Variants in MMP10 observed in about 807,000 individuals in gnomAD.
MMP10 encodes the protein matrix metallopeptidase 10.
A neutral mutation model predicts 49.1 loss-of-function variants in MMP10; 50 were observed. That is an observed-to-expected ratio of 1.02 (90% CI 0.81 to 1.29). The LOEUF (loss-of-function observed/expected upper bound fraction) is 1.29. Ranked by LOEUF, MMP10 falls within the 50% of genes most tolerant of loss-of-function variation. MMP10 has a pLI of 0.00. For synonymous variants in MMP10, 229 were observed against 201.6 expected (o/e 1.14, Z -1.15); for missense variants, 613 against 563.8 (o/e 1.09, Z -0.88).
chr11:102,774,590 CAG>C (rs1862003786), intron 7 of MMP10, among the ~76,000 whole-genome samples: 1 of 152,044 alleles, frequency 6.6e-6, no homozygotes, highest in South Asian at 2.1e-4. Context: ...GATTTGAAAA[CAG>C]ACAAAATTGG....
At chr11:102,775,883 C>A (rs1027509394) in intron 6 of MMP10, among the ~76,000 whole-genome samples, 1 of 151,968 alleles carries the variant, frequency 6.6e-6, no homozygotes, top group Non-Finnish European at 1.5e-5. Flanking sequence ...AAAAAATGAA[C>A]GAAACAGATA....
intron 3 of MMP10, 78 bp from the exon 4 acceptor site, chr11:102,778,827 T>C: frequency 2.0e-6 from 3 of 1,530,782 alleles, no homozygotes; most frequent in Non-Finnish European, 2.7e-6. Context: ...AACAGTAGAT[T>C]CTATAGTCTG....
At position 102,778,761 on chromosome 11, in the gene MMP10, C is replaced by A. The variant is rs557809585; in HGVS notation, c.497-12G>T. 5.0e-5 allele frequency: 80 copies of A among 1,613,156 alleles called. 4 individuals are homozygous for A. The South Asian group carries it at 7.4e-4, about 15-fold the overall frequency. On this transcript the variant is annotated splice_polypyrimidine_tract_variant and intron_variant, in intron 3 of 9. Transcript: ENST00000279441. ...AAAGTCTCCATGTTCTGATAGGGAA[C>A]AAATTAATGGAAATATAAGTGTTCA...
chr11:102,773,560 T>C lies in MMP10; in HGVS notation c.1067-554A>G, dbSNP rs150698451. Reference sequence around the variant, plus strand: ...TCGCACTCACTGCCAGATTCACTAATCTAAAATGTCCATCTGTTGTTTATC... The same window carrying C: ...TCGCACTCACTGCCAGATTCACTAACCTAAAATGTCCATCTGTTGTTTATC... On this transcript the variant is annotated intron_variant, in intron 7 of 9. Coordinates refer to ENST00000279441, the MANE Select transcript of MMP10 (RefSeq NM_002425.3). Among the ~76,000 whole-genome samples the C allele has an allele frequency of 2.3e-3, 354 of 152,346 alleles. 2 individuals carry two copies. Among genetic ancestry groups the C allele is most frequent in the African/African-American group, 8.0e-3 (332 of 41,590 alleles).
rs1456753613 is a variant in MMP10, at chr11:102,772,060, C to A, written c.1282G>T (p.Asp428Tyr). 6.2e-7 allele frequency: 1 copy of A among 1,613,702 alleles called. No homozygotes were observed. The highest frequency in any genetic ancestry group is 1.1e-5 in the South Asian group (1 of 91,064). Reference protein sequence around the residue: ...EQGFPRLIADDFPGVEPKVDA... With the variant: ...EQGFPRLIADYFPGVEPKVDA... The stretch of plus-strand genomic sequence containing the variant: ...ACCTTAGGCTCAACTCCTGGAAAGT[C>A]ATCAGCTATTAGTCTAGGGAAGCCT... Residue 428 changes from aspartate (D) to tyrosine (Y), a missense_variant, in exon 9 of 10, where the codon GAC becomes TAC. Coordinates refer to ENST00000279441, the MANE Select transcript of MMP10 (RefSeq NM_002425.3). This position sits in a 1 kb window ranked among gnomAD's most constrained non-coding sequence, Gnocchi z 4.4.
At chr11:102,771,379 C>A (rs187239262) in intron 9 of MMP10, among the ~76,000 whole-genome samples, 61 of 152,278 alleles carry the variant, frequency 4.0e-4, no homozygotes, top group African/African-American at 1.5e-3. Context: ...TTGCATCCAT[C>A]ATGGTTAAGT....
intron 4 of MMP10, among the ~76,000 whole-genome samples, chr11:102,778,091 A>C (rs1439648108): frequency 6.6e-6 from 1 of 152,236 alleles, no homozygotes; most frequent in Non-Finnish European, 1.5e-5. Context: ...TTAGATGTAA[A>C]GTGTTTCCAA....
At chr11:102,778,346 A>G (rs1204546328) in intron 4 of MMP10, among the ~76,000 whole-genome samples, 1 of 152,226 alleles carries the variant, frequency 6.6e-6, no homozygotes, top group Non-Finnish European at 1.5e-5. Flanking sequence ...ATTATTAATT[A>G]TGCTGATCCT....
intron 4 of MMP10, among the ~76,000 whole-genome samples, chr11:102,777,445 A>C (rs1485474834): frequency 6.6e-6 from 1 of 151,872 alleles, no homozygotes; most frequent in Non-Finnish European, 1.5e-5. Flanking sequence ...TGTTGAGATA[A>C]GGTTTCACCA....
intron 9 of MMP10, 96 bp downstream of exon 9, chr11:102,771,916 G>T: frequency 1.3e-6 from 1 of 793,762 alleles, no homozygotes. Flanking sequence ...ATATCAGACT[G>T]AATGATTTAA....
intron 1 of MMP10, 85 bp from the exon 2 acceptor site, chr11:102,779,830 G>A: frequency 6.9e-7 from 1 of 1,451,472 alleles, no homozygotes. Context: ...TTTTCCTCTA[G>A]TTTCTTAAAA....
chr11:102,774,556 A>G (rs541254833), intron 7 of MMP10, among the ~76,000 whole-genome samples: 1 of 152,150 alleles, frequency 6.6e-6, no homozygotes, highest in Non-Finnish European at 1.5e-5. Context: ...CAACAAAATA[A>G]TTTTCCAAAA....
chr11:102,779,283 C>G lies in MMP10; in HGVS notation c.426G>C (p.Glu142Asp), dbSNP rs766201823. The change falls in exon 3 of 10, where the codon GAG becomes GAC. Residue 142 changes from glutamate (E) to aspartate (D), a missense_variant. Coordinates refer to ENST00000279441, the MANE Select transcript of MMP10 (RefSeq NM_002425.3). ...AIEKALKVWE[E>D]VTPLTFSRLY... ...GCCTGGAGAATGTGAGTGGAGTCAC[C>G]TCTTCCCAGACTTTCAGAGCTTTCT... The G allele has an allele frequency of 1.2e-6, 2 of 1,614,120 alleles. No homozygotes were observed. Among genetic ancestry groups the G allele is most frequent in the Admixed American group, 3.3e-5 (2 of 60,008 alleles).
Position 102,772,088 on chromosome 11 carries a change from C to A in MMP10, c.1254G>T (p.Glu418Asp), listed in dbSNP as rs1861981694. 6.2e-7 allele frequency: 1 copy of A among 1,612,678 alleles called. No individual in the cohort carries two copies. Among genetic ancestry groups the A allele is most frequent in the African/African-American group, 1.3e-5 (1 of 74,868 alleles). Residue 418 changes from glutamate to aspartate, a missense_variant, in exon 9 of 10, where the codon GAG becomes GAT. Transcript: ENST00000279441. The surrounding 1 kb of genome is among the most constrained non-coding windows in gnomAD (Gnocchi z 4.4). The stretch of plus-strand genomic sequence containing the variant: ...CAGCTATTAGTCTAGGGAAGCCTTG[C>A]TCCATGGACTGGCTATTTTCATCAA... ...WRFDENSQSM[E>D]QGFPRLIADD... is the part of the protein sequence containing the mutation.
chr11:102,779,768 G>T, intron 1 of MMP10, 23 bp from the exon 2 acceptor site: 1 of 1,586,460 alleles, frequency 6.3e-7, no homozygotes, highest in South Asian at 1.1e-5. Flanking sequence ...AGAATTTTTA[G>T]GGCATTTTTG....
chr11:102,776,207 C>A, intron 6 of MMP10, 73 bp downstream of exon 6: 1 of 1,397,682 alleles, frequency 7.2e-7, no homozygotes, highest in Non-Finnish European at 9.8e-7. Flanking sequence ...AAAGCTCTGT[C>A]AAGTTTCTGT....
intron 4 of MMP10, among the ~76,000 whole-genome samples, chr11:102,778,245 G>T (rs60222763): frequency 1.7e-3 from 265 of 152,178 alleles, no homozygotes; most frequent in African/African-American, 6.3e-3. Flanking sequence ...TGAGAAGAAA[G>T]AAAGAAAACC....
Position 102,779,344 on chromosome 11 carries a change from G to C in MMP10, c.365C>G (p.Pro122Arg). 2 of 1,613,958 alleles carry C rather than the reference G, an allele frequency of 1.2e-6. No homozygotes were observed. Residue 122 changes from proline to arginine, a missense_variant, in exon 3 of 10, where the codon CCA (proline) becomes CGA (arginine). By Grantham distance (103) the Pro-to-Arg change is moderately radical (BLOSUM62 -2). Transcript: ENST00000279441. Reference protein sequence around the residue: ...HLTYRIVNYTPDLPRDAVDSA... With the variant: ...HLTYRIVNYTRDLPRDAVDSA... ...ATCAACAGCATCTCTTGGCAAATCT[G>C]GTGTATAATTCACAATCCTGGAGGA...
chr11:102,774,238 G>A (rs1862000758), intron 7 of MMP10, among the ~76,000 whole-genome samples: 1 of 152,120 alleles, frequency 6.6e-6, no homozygotes, highest in Non-Finnish European at 1.5e-5. Context: ...AGGTATAAAT[G>A]CTTGTATTAG....
Sources: allele counts gnomAD v4.1 joint callset (sites outside exome capture counted in the v4.1 genomes callset), GRCh38; gene constraint gnomAD v4.1.1; non-coding constraint Gnocchi (gnomAD v3.1); transcripts MANE v1.5; gene names NCBI Gene and HGNC (gene_info 2026-07-23, HGNC 2026-07-21).